The following DPP10 variants were observed in gnomAD, a reference collection of about 807,000 sequenced individuals.
DPP10 encodes the protein inactive dipeptidyl peptidase 10.
Under a neutral mutation model 120.9 loss-of-function variants are expected in DPP10, and 33 were observed. The ratio of observed to expected loss-of-function variants is 0.27; its 90% CI spans 0.21 to 0.37. The LOEUF is 0.37. DPP10 is among the 10% of genes least tolerant of loss of function. DPP10 has a pLI of 1.00. For missense variants in DPP10, 816 were observed against 942.8 expected (o/e 0.87, Z 1.76); for synonymous variants, 337 against 326.1 (o/e 1.03, Z -0.36).
intron 1 of DPP10, among the ~76,000 whole-genome samples, chr2:114,735,685 C>T (rs1278898812): frequency 6.6e-6 from 1 of 152,030 alleles, no homozygotes; most frequent in Non-Finnish European, 1.5e-5. Context: ...TGATCACTTC[C>T]AAGAGGAACT....
intron 1 of DPP10, among the ~76,000 whole-genome samples, chr2:115,185,771 A>C (rs1196860354): frequency 6.6e-6 from 1 of 152,232 alleles, no homozygotes; most frequent in Non-Finnish European, 1.5e-5. Context: ...CAGAAAGCTA[A>C]TTTTAACAAA....
intron 5 of DPP10, among the ~76,000 whole-genome samples, chr2:115,632,071 C>A (rs2085918846): frequency 1.3e-5 from 2 of 152,114 alleles, no homozygotes; most frequent in South Asian, 2.1e-4. Flanking sequence ...TCTCTAAGAA[C>A]ATGTTTTATG....
intron 1 of DPP10, among the ~76,000 whole-genome samples, chr2:114,591,189 G>A (rs1691431331): frequency 6.6e-6 from 1 of 152,208 alleles, no homozygotes; most frequent in Admixed American, 6.5e-5. Context: ...GTCTGCAGAA[G>A]CCAGATTGAC....
intron 1 of DPP10, among the ~76,000 whole-genome samples, chr2:114,684,981 A>G (rs187992930): frequency 2.2e-3 from 337 of 152,088 alleles, no homozygotes; most frequent in African/African-American, 7.4e-3. Flanking sequence ...ATTTGTCTGT[A>G]TGGAGGTTAA....
intron 3 of DPP10, among the ~76,000 whole-genome samples, chr2:115,353,994 G>T (rs553208715): frequency 3.0e-4 from 46 of 152,190 alleles, no homozygotes; most frequent in African/African-American, 1.1e-3. Context: ...CTTTGTAATT[G>T]TATATGAATG....
At chr2:114,832,790 T>C (rs560109984) in intron 1 of DPP10, among the ~76,000 whole-genome samples, 9 of 152,278 alleles carry the variant, frequency 5.9e-5, no homozygotes, top group East Asian at 1.9e-4. Flanking sequence ...AGTTCTGCAA[T>C]GCTATGTCTA....
chr2:114,553,941 T>C (rs1167100412), intron 1 of DPP10, among the ~76,000 whole-genome samples: 1 of 152,222 alleles, frequency 6.6e-6, no homozygotes, highest in Non-Finnish European at 1.5e-5. Flanking sequence ...GAAGCTGGGC[T>C]TCTAGTGGAC....
chr2:115,041,117 C>CAA (rs10577275), intron 1 of DPP10, among the ~76,000 whole-genome samples: 3 of 127,934 alleles, frequency 2.3e-5, no homozygotes, highest in African/African-American at 2.9e-5. Flanking sequence ...TAGCTCAAAA[C>CAA]AAAAAAAAAA....
At chr2:115,202,484 A>G (rs528706719) in intron 1 of DPP10, among the ~76,000 whole-genome samples, 1 of 152,182 alleles carries the variant, frequency 6.6e-6, no homozygotes, top group South Asian at 2.1e-4. Flanking sequence ...TTAATTGGAC[A>G]GCTTTGGTCT....
intron 1 of DPP10, among the ~76,000 whole-genome samples, chr2:114,712,094 C>T (rs538480967): frequency 5.3e-5 from 8 of 152,028 alleles, no homozygotes; most frequent in South Asian, 2.1e-4. Context: ...CCAAGGTGGG[C>T]GGATCACCTG....
At chr2:115,494,588 T>C (rs752977852) in intron 3 of DPP10, among the ~76,000 whole-genome samples, 2 of 152,166 alleles carry the variant, frequency 1.3e-5, no homozygotes, top group Non-Finnish European at 2.9e-5. Context: ...AGATTTACCA[T>C]TGATATATTT....
At chr2:115,138,842 A>G (rs2050778168) in intron 1 of DPP10, among the ~76,000 whole-genome samples, 1 of 152,208 alleles carries the variant, frequency 6.6e-6, no homozygotes, top group Admixed American at 6.6e-5. Context: ...TTTAAGCTCC[A>G]TGACTTAGTT....
chr2:115,184,404 C>T (rs2054288917), intron 1 of DPP10, among the ~76,000 whole-genome samples: 1 of 152,118 alleles, frequency 6.6e-6, no homozygotes. Flanking sequence ...AGAAAAGTTG[C>T]GTGAATATCT....
intron 1 of DPP10, among the ~76,000 whole-genome samples, chr2:114,658,556 G>T (rs1352171220): frequency 6.6e-6 from 1 of 152,122 alleles, no homozygotes; most frequent in Non-Finnish European, 1.5e-5. Flanking sequence ...CTAGGGTTGG[G>T]TTGGAACTGA....
intron 5 of DPP10, among the ~76,000 whole-genome samples, chr2:115,584,821 G>C (rs1313296792): frequency 1.3e-5 from 2 of 152,280 alleles, no homozygotes; most frequent in East Asian, 1.9e-4. Flanking sequence ...AAAGTGATGG[G>C]TGTCATTTTG....
chr2:115,145,790 C>T (rs1277086226), intron 1 of DPP10, among the ~76,000 whole-genome samples: 2 of 152,124 alleles, frequency 1.3e-5, no homozygotes, highest in Non-Finnish European at 2.9e-5. Flanking sequence ...GTTTCAGTTG[C>T]TCCACATTCG....
chr2:115,077,158 T>C (rs1707873167), intron 1 of DPP10, among the ~76,000 whole-genome samples: 1 of 152,214 alleles, frequency 6.6e-6, no homozygotes. Context: ...TGCAATGGAA[T>C]GGGCCAAGTG....
chr2:114,450,542 A>G (rs149117007), intron 1 of DPP10, among the ~76,000 whole-genome samples: 25 of 152,184 alleles, frequency 1.6e-4, no homozygotes, highest in African/African-American at 5.5e-4. Flanking sequence ...CTATAAATTC[A>G]TTTGCCTTCC....
intron 1 of DPP10, among the ~76,000 whole-genome samples, chr2:114,798,612 G>A (rs1683915487): frequency 6.6e-6 from 1 of 152,114 alleles, no homozygotes; most frequent in Non-Finnish European, 1.5e-5. Flanking sequence ...CTAAAGTGCA[G>A]TGCTGGAAGC....
Sources: allele counts gnomAD v4.1 joint callset (sites outside exome capture counted in the v4.1 genomes callset), GRCh38; gene constraint gnomAD v4.1.1; transcripts MANE v1.5; gene names NCBI Gene and HGNC (gene_info 2026-07-23, HGNC 2026-07-21).